GRIP2: variants seen among roughly 807,000 people sequenced by gnomAD.
GRIP2 encodes the protein glutamate receptor-interacting protein 2.
A neutral mutation model predicts 108.3 loss-of-function variants in GRIP2; 58 were observed. That is an observed-to-expected ratio of 0.54 (90% confidence interval 0.43 to 0.67). The LOEUF (loss-of-function observed/expected upper bound fraction) is 0.67. GRIP2 is among the 30% of genes least tolerant of loss of function. The probability of loss-of-function intolerance (pLI) is 0.00; values close to 1 mark genes in which losing one functional copy is unlikely to be tolerated. For synonymous variants in GRIP2, 586 were observed against 598.2 expected (o/e 0.98, Z 0.30); for missense variants, 1,278 against 1,430.6 (o/e 0.89, Z 1.72).
chr3:14,572,790 G>A, the GRIP2 span: 5 of 672,962 alleles, frequency 7.4e-6, no homozygotes, highest in Middle Eastern at 4.4e-4. Flanking sequence ...TGAGGCTCAG[G>A]GTTGTCGTGT....
chr3:14,569,089 G>T, the GRIP2 span, among the ~76,000 whole-genome samples: 1 of 152,214 alleles, frequency 6.6e-6, no homozygotes, highest in Non-Finnish European at 1.5e-5. Flanking sequence ...AGGGGTTGCA[G>T]TGCCAGCCTT....
At chr3:14,515,885 C>A (rs559551673) in intron 11 of GRIP2, among the ~76,000 whole-genome samples, 1 of 152,250 alleles carries the variant, frequency 6.6e-6, no homozygotes, top group South Asian at 2.1e-4. Flanking sequence ...CCCACCTCGG[C>A]CTCCCAAAGT....
chr3:14,553,190 C>A (rs1470690464), intron 1 of GRIP2, among the ~76,000 whole-genome samples: 2 of 151,106 alleles, frequency 1.3e-5, no homozygotes, highest in South Asian at 2.1e-4. Flanking sequence ...TCACTACAAC[C>A]TGTGCCTCCC....
intron 21 of GRIP2, among the ~76,000 whole-genome samples, chr3:14,498,572 C>A (rs1360610381): frequency 6.6e-6 from 1 of 151,966 alleles, no homozygotes; most frequent in African/African-American, 2.4e-5. Context: ...CTTTTTCACA[C>A]CTTAGAAGTG....
Position 14,509,843 on chromosome 3 carries a change from G to A in GRIP2, c.2055C>T (p.Leu685=). Residue 685 remains leucine (L), a synonymous_variant, in exon 17 of 24, where the codon CTC becomes CTT. Transcript: ENST00000621039. ...ACCTCTCAGCCAGGCCACGCTTGGT[G>A]AGGCCTGAGATGACAATGGGGTCAA... The part of the protein sequence containing the change: ...EPFDPIVISG[L]TKRGLAERTG... 1.3e-6 allele frequency: 2 copies of A among 1,525,760 alleles called. No individual in the cohort carries two copies. Among genetic ancestry groups the A allele is most frequent in the Non-Finnish European group, 1.8e-6 (2 of 1,132,916 alleles). The allele number at this position is 1,525,760 out of a possible 1,614,324, so 94.5% of individuals were successfully genotyped here.
chr3:14,520,544 TGACGGA>T lies in GRIP2; in HGVS notation c.713-13_713-8del. 3 of 1,613,524 alleles carry T rather than the reference TGACGGA, an allele frequency of 1.9e-6. No individual in the cohort carries two copies. The highest frequency in any genetic ancestry group is 2.5e-6 in the Non-Finnish European group (3 of 1,179,588). ...GAAGCATTAGCCACCGTGTCTGGCA[TGACGGA>T]GAAAAAAAGTTTGAAATGCAAATAC... is the stretch of plus-strand genomic sequence containing the variant. On this transcript the variant is annotated splice_region_variant and splice_polypyrimidine_tract_variant and intron_variant, in intron 7 of 23. Coordinates refer to ENST00000621039, the MANE Select transcript of GRIP2 (RefSeq NM_001080423.4).
At chr3:14,542,133 T>C, upstream of GRIP2, 1 of 1,114,562 alleles carries the variant, frequency 9.0e-7, no homozygotes, top group Non-Finnish European at 1.2e-6. Flanking sequence ...CCTCTTTCTC[T>C]TTCTCTCTTT....
chr3:14,573,909 A>C, the GRIP2 span: 2 of 1,144,764 alleles, frequency 1.7e-6, no homozygotes. Flanking sequence ...GTCGTTGTGC[A>C]TGCAGCAGGC....
chr3:14,556,712 T>C (rs1453861634), upstream of GRIP2, among the ~76,000 whole-genome samples: 3 of 152,300 alleles, frequency 2.0e-5, no homozygotes, highest in Admixed American at 6.5e-5. Context: ...TTGGGGACTA[T>C]GTGTGAGTGC....
intron 1 of GRIP2, among the ~76,000 whole-genome samples, chr3:14,536,504 T>G (rs981566317): frequency 1.4e-4 from 22 of 152,116 alleles, no homozygotes; most frequent in African/African-American, 5.1e-4. Context: ...ATACCTAAGT[T>G]AGGGCTCAGG....
At chr3:14,588,620 C>T in the GRIP2 span, among the ~76,000 whole-genome samples, 12 of 152,188 alleles carry the variant, frequency 7.9e-5, no homozygotes, top group Non-Finnish European at 1.5e-4. Flanking sequence ...GCCAGCTGCC[C>T]ACAAACCCCT....
At chr3:14,602,803 G>C in the GRIP2 span, among the ~76,000 whole-genome samples, 5 of 151,694 alleles carry the variant, frequency 3.3e-5, no homozygotes, top group South Asian at 4.1e-4. This position sits in a 1 kb window ranked among gnomAD's most constrained non-coding sequence, Gnocchi z 4.7. Flanking sequence ...GCCTGTCTTC[G>C]CCTCCCGCGG....
At position 14,507,977 on chromosome 3, in the gene GRIP2, T is replaced by C. The variant is rs144615653; in HGVS notation, c.2079-277A>G. On this transcript the variant is annotated intron_variant, in intron 17 of 23. Coordinates refer to ENST00000621039, the MANE Select transcript of GRIP2 (RefSeq NM_001080423.4). The surrounding 1 kb of genome is among the most constrained non-coding windows in gnomAD (Gnocchi z 4.6). The stretch of plus-strand genomic sequence containing the variant: ...CACAGGTTTTGAGAATCCCACATAC[T>C]AGCTGCCAAATACTTGCTATGTGAT... 2.9e-4 allele frequency among the ~76,000 whole-genome samples: 44 copies of C among 152,356 alleles called. No homozygotes were observed. In the East Asian group the frequency reaches 8.1e-3, roughly 28 times the overall value.
At chr3:14,545,326 G>C (rs1173730277), upstream of GRIP2, among the ~76,000 whole-genome samples, 2 of 152,262 alleles carry the variant, frequency 1.3e-5, no homozygotes, top group Non-Finnish European at 2.9e-5. Flanking sequence ...GGGGAGCCAG[G>C]GTTTGAACCC....
chr3:14,546,404 G>T (rs1019814136), upstream of GRIP2, among the ~76,000 whole-genome samples: 4 of 152,168 alleles, frequency 2.6e-5, no homozygotes, highest in African/African-American at 4.8e-5. Flanking sequence ...GGGCTGCAAG[G>T]GTCAGGATGG....
the GRIP2 span, among the ~76,000 whole-genome samples, chr3:14,597,932 T>C: frequency 4.6e-5 from 7 of 152,178 alleles, no homozygotes; most frequent in African/African-American, 1.7e-4. Context: ...CTGCAATTAT[T>C]AAACCCAAAC....
In GRIP2 at chr3:14,522,673, C is replaced by G. The variant is rs1421253044; in HGVS notation, c.566+327G>C. The G allele has an allele frequency of 3.6e-6, 1 of 280,954 alleles. No homozygotes were observed. The highest frequency in any genetic ancestry group is 4.8e-5 in the Admixed American group (1 of 20,858). 17.4% of individuals were successfully genotyped at this position (280,954 alleles called of 1,614,324 possible). A position where few individuals can be genotyped will look rare whatever the true frequency, so the allele number is the denominator to read the frequency against. On this transcript the variant is annotated intron_variant, in intron 6 of 23. Coordinates refer to ENST00000621039, the MANE Select transcript of GRIP2 (RefSeq NM_001080423.4). The surrounding 1 kb of genome is among the most constrained non-coding windows in gnomAD (Gnocchi z 4.3). ...GTGGCCAATCAGCGTGCCCCCAAAT[C>G]TCTCATAGCAACTCTTAGGGACCAT...
rs1444676918 is a variant in GRIP2 at position 14,529,273 on chromosome 3, C to T, written c.41-3342G>A. Among the ~76,000 whole-genome samples the T allele has an allele frequency of 1.2e-4, 16 of 130,446 alleles. No homozygotes were observed. In the East Asian group the frequency reaches 1.5e-3, roughly 12 times the overall value. The allele number at this position is 130,446 out of a possible 152,430, so 85.6% of individuals were successfully genotyped here. A position where few individuals can be genotyped will look rare whatever the true frequency, so the allele number is the denominator to read the frequency against. On this transcript the variant is annotated intron_variant, in intron 1 of 23. Transcript: ENST00000621039. ...CAGCCTGGGCGACAGAGTGAGACTC[C>T]GTCTCAAAAAAAAAAAAAAAAAAAA...
chr3:14,494,858 G>A lies in GRIP2; in HGVS notation c.2955C>T (p.Phe985=), dbSNP rs369076943. Residue 985 remains phenylalanine (F), a synonymous_variant, in exon 23 of 24, where the codon TTC becomes TTT. Transcript: ENST00000621039. ...GPAHRGGLQP[F]DRVLQVNHVR... ...CCAGCATTACCTGCAGGACCCTGTC[G>A]AAGGGCTGGAGGCCTCCACGGTGGG... The A allele has an allele frequency of 1.2e-5, 19 of 1,612,986 alleles. No homozygotes were observed. The highest frequency in any genetic ancestry group is 1.6e-4 in the Middle Eastern group (1 of 6,074).
Sources: allele counts gnomAD v4.1 joint callset (sites outside exome capture counted in the v4.1 genomes callset), GRCh38; gene constraint gnomAD v4.1.1; non-coding constraint Gnocchi (gnomAD v3.1); transcripts MANE v1.5; gene names NCBI Gene and HGNC (gene_info 2026-07-23, HGNC 2026-07-21).